The following DCAF6 variants were observed in gnomAD, a reference collection of about 807,000 sequenced individuals.
DCAF6 encodes DDB1 and CUL4 associated factor 6.
A neutral mutation model predicts 125.1 loss-of-function variants in DCAF6; 54 were observed. That is an observed-to-expected ratio of 0.43 (90% CI 0.35 to 0.54). The LOEUF is 0.54. Among genes scored for constraint, DCAF6 ranks in the 20% least tolerant of loss-of-function variants. The pLI is 0.01. For synonymous variants in DCAF6, 371 were observed against 390.4 expected, an observed-to-expected ratio of 0.95 and a Z score of 0.58; for missense variants, 934 against 1,161.7, an observed-to-expected ratio of 0.80 and a Z score of 2.85.
chr1:167,970,179 A>G (rs1216065511), intron 3 of DCAF6, among the ~76,000 whole-genome samples: 4 of 152,218 alleles, frequency 2.6e-5, no homozygotes, highest in African/African-American at 9.7e-5. Flanking sequence ...ATACAAAATA[A>G]TCACTTGGGT....
chr1:168,025,289 T>C lies in DCAF6; in HGVS notation c.1609+2242T>C, dbSNP rs182348333. Among the ~76,000 whole-genome samples, 928 of 152,322 alleles carry C rather than the reference T, an allele frequency of 6.1e-3. 5 individuals carry two copies. Among genetic ancestry groups the C allele is most frequent in the African/African-American group, 0.021 (893 of 41,562 alleles). On this transcript the variant is annotated intron_variant, in intron 12 of 21. Coordinates refer to ENST00000367840, the MANE Select transcript of DCAF6 (RefSeq NM_001198956.2). ...AATTATGATTAACTCCCAGATTTTT[T>C]ACATCAGTGCCTGGGTAGGGTAAAT...
chr1:167,957,693 T>G (rs574418767), intron 2 of DCAF6, among the ~76,000 whole-genome samples: 1 of 152,270 alleles, frequency 6.6e-6, no homozygotes, highest in Admixed American at 6.5e-5. Context: ...TCTCACTTTT[T>G]GAGGAGGTAT....
In DCAF6 at chr1:167,993,235, C is replaced by T. The variant is rs759477011; in HGVS notation, c.698C>T (p.Ala233Val). ...CTTGTTTCTTTTTTAGGGAATTATGCAGGTCGAGGGACTACTGGAATGGTT... is the reference window on the plus strand; with the variant it reads ...CTTGTTTCTTTTTTAGGGAATTATGTAGGTCGAGGGACTACTGGAATGGTT... ...MLGTRATGNYAGRGTTGMVAR... is the reference protein window; with the variant it reads ...MLGTRATGNYVGRGTTGMVAR... Residue 233 changes from alanine to valine, a missense_variant, in exon 7 of 22, where the codon GCA becomes GTA. Physicochemically the swap from Ala to Val is moderately conservative, Grantham distance 64 (BLOSUM62 0). This residue lies in a region of DCAF6 where 309 missense variants were observed against 381.2 expected (regional missense o/e 0.81). Coordinates refer to ENST00000367840, the MANE Select transcript of DCAF6 (RefSeq NM_001198956.2). 18 of 1,611,480 alleles carry T rather than the reference C, an allele frequency of 1.1e-5. No homozygotes were observed. Among genetic ancestry groups the T allele is most frequent in the Non-Finnish European group, 2.5e-6 (3 of 1,178,980 alleles).
intron 11 of DCAF6, among the ~76,000 whole-genome samples, chr1:168,016,530 A>G (rs765902671): frequency 3.9e-4 from 59 of 152,274 alleles, no homozygotes; most frequent in Middle Eastern, 3.4e-3. Flanking sequence ...AGTACTCCAC[A>G]GTCTCATGTT....
intron 2 of DCAF6, among the ~76,000 whole-genome samples, chr1:167,962,617 A>G (rs1223893976): frequency 6.6e-6 from 1 of 152,198 alleles, no homozygotes; most frequent in African/African-American, 2.4e-5. Flanking sequence ...CTTGTAAACA[A>G]CATATATTTG....
intron 12 of DCAF6, among the ~76,000 whole-genome samples, chr1:168,026,314 A>G (rs1409532262): frequency 1.3e-5 from 2 of 152,166 alleles, no homozygotes; most frequent in Admixed American, 1.3e-4. Flanking sequence ...CGAGTGAGTA[A>G]ATGAATTCTT....
the DCAF6 span, among the ~76,000 whole-genome samples, chr1:167,929,707 A>G: frequency 6.6e-6 from 1 of 152,222 alleles, no homozygotes; most frequent in Admixed American, 6.5e-5. Context: ...TATCGTATAT[A>G]TGATTCCCTC....
intron 13 of DCAF6, among the ~76,000 whole-genome samples, chr1:168,041,565 GC>G (rs1218666570): frequency 2.6e-5 from 4 of 152,026 alleles, no homozygotes; most frequent in Non-Finnish European, 5.9e-5. Context: ...ATAACGTGAA[GC>G]CATAGCTTTG....
At chr1:168,053,318 A>C (rs1007341824) in intron 17 of DCAF6, among the ~76,000 whole-genome samples, 20 of 152,182 alleles carry the variant, frequency 1.3e-4, no homozygotes, top group African/African-American at 4.8e-4. Flanking sequence ...AAAGTTGGCA[A>C]AGACACCTTT....
chr1:168,013,743 T>G (rs1684597833), intron 10 of DCAF6, among the ~76,000 whole-genome samples: 1 of 151,988 alleles, frequency 6.6e-6, no homozygotes, highest in Non-Finnish European at 1.5e-5. Flanking sequence ...AAACTTCTCT[T>G]GATTATTATT....
At chr1:167,916,101 G>A in the DCAF6 span, among the ~76,000 whole-genome samples, 1 of 152,344 alleles carries the variant, frequency 6.6e-6, no homozygotes, top group East Asian at 1.9e-4. Context: ...TAACTGCATT[G>A]ATAGTAAGGA....
chr1:168,000,337 A>G (rs949758832), intron 7 of DCAF6, among the ~76,000 whole-genome samples: 1 of 152,198 alleles, frequency 6.6e-6, no homozygotes, highest in African/African-American at 2.4e-5. Context: ...AATTACTGAA[A>G]TGTGACACAA....
At chr1:167,939,510 C>G (rs907431231) in intron 1 of DCAF6, among the ~76,000 whole-genome samples, 2 of 152,146 alleles carry the variant, frequency 1.3e-5, no homozygotes, top group African/African-American at 4.8e-5. Context: ...CGCCTGGAAT[C>G]CCAGCACTTT....
upstream of DCAF6, among the ~76,000 whole-genome samples, chr1:167,932,156 C>T (rs1399719004): frequency 1.3e-5 from 2 of 152,154 alleles, no homozygotes; most frequent in African/African-American, 4.8e-5. Context: ...ACTAACTTCA[C>T]CAAAGGATAG....
intron 10 of DCAF6, among the ~76,000 whole-genome samples, chr1:168,010,178 A>G (rs566099104): frequency 1.3e-5 from 2 of 152,306 alleles, no homozygotes; most frequent in Admixed American, 6.5e-5. Context: ...TCTAGACCAC[A>G]TAGGACTGAG....
Position 167,991,188 on chromosome 1 carries a change from A to G in DCAF6, c.553-16A>G, listed in dbSNP as rs769144204. ...TGTATAACTATATGTAATTGGTATT[A>G]TGTTATGTTTTGTAGGATATTTTAA... On this transcript the variant is annotated splice_polypyrimidine_tract_variant and intron_variant, in intron 5 of 21. Transcript: ENST00000367840. 6.2e-7 allele frequency: 1 copy of G among 1,604,338 alleles called. No individual in the cohort carries two copies. The highest frequency in any genetic ancestry group is 8.5e-7 in the Non-Finnish European group (1 of 1,175,874).
the DCAF6 span, chr1:167,893,768 C>G: frequency 5.7e-5 from 36 of 632,968 alleles, no homozygotes; most frequent in Middle Eastern, 2.8e-4. Context: ...CTAGTAGCTG[C>G]TGTTTTTTTT....
the DCAF6 span, chr1:167,883,458 A>G: frequency 1.2e-6 from 2 of 1,614,230 alleles, no homozygotes; most frequent in Non-Finnish European, 1.7e-6. Context: ...TGAAGACTTT[A>G]TTGATTTGGC....
the DCAF6 span, chr1:167,899,465 G>T: frequency 6.2e-7 from 1 of 1,614,062 alleles, no homozygotes; most frequent in Admixed American, 1.7e-5. Context: ...TTTCAATCAT[G>T]CTCCGGTCAC....
Sources: gnomAD v4.1 joint callset for allele counts (sites outside exome capture counted in the v4.1 genomes callset) on GRCh38, gnomAD v4.1.1 for gene constraint, gnomAD v4.1.1 regional missense constraint, MANE v1.5 for transcripts, NCBI Gene and HGNC (gene_info 2026-07-23, HGNC 2026-07-21) for gene names.